The following MSI2 variants were observed in gnomAD, a reference collection of about 807,000 sequenced individuals.
MSI2 encodes musashi RNA binding protein 2.
In MSI2, 17 loss-of-function variants were observed where a neutral mutation model predicts 45.6. The observed-to-expected ratio is 0.37, with a 90% confidence interval of 0.26 to 0.56. The LOEUF (loss-of-function observed/expected upper bound fraction) is 0.56. MSI2 is among the 20% of genes least tolerant of loss of function. The pLI is 0.77. For missense variants in MSI2, 293 were observed against 444.2 expected (o/e 0.66, Z 3.06); for synonymous variants, 156 against 158.2 (o/e 0.99, Z 0.11).
intron 6 of MSI2, among the ~76,000 whole-genome samples, chr17:57,432,177 G>A (rs569803977): frequency 6.6e-6 from 1 of 152,304 alleles, no homozygotes; most frequent in African/African-American, 2.4e-5. Flanking sequence ...GGCTCTGGTG[G>A]ATGAGAATCA....
intron 6 of MSI2, among the ~76,000 whole-genome samples, chr17:57,525,519 C>T (rs1244095332): frequency 6.6e-6 from 1 of 152,166 alleles, no homozygotes; most frequent in Non-Finnish European, 1.5e-5. Context: ...AACTCCTGGC[C>T]TCAAGCGATT....
intron 11 of MSI2, among the ~76,000 whole-genome samples, chr17:57,664,028 A>G (rs1048292002): frequency 6.6e-6 from 1 of 152,082 alleles, no homozygotes; most frequent in Non-Finnish European, 1.5e-5. Flanking sequence ...TAGAGGCAGC[A>G]TAAGAGCATA....
chr17:57,316,694 C>T (rs1243080904), intron 5 of MSI2, among the ~76,000 whole-genome samples: 1 of 152,118 alleles, frequency 6.6e-6, no homozygotes, highest in Non-Finnish European at 1.5e-5. Flanking sequence ...TGCCCCCTTC[C>T]CCATGGTCTT....
intron 7 of MSI2, among the ~76,000 whole-genome samples, chr17:57,561,279 A>G (rs2087568275): frequency 6.6e-6 from 1 of 152,022 alleles, no homozygotes; most frequent in Admixed American, 6.6e-5. Context: ...GGAACATTTG[A>G]TATTTTTGCC....
At chr17:57,328,733 CT>C (rs1294186819) in intron 5 of MSI2, among the ~76,000 whole-genome samples, 731 of 140,514 alleles carry the variant, frequency 5.2e-3, no homozygotes, top group Non-Finnish European at 5.2e-3. Flanking sequence ...TTTGAAGAGT[CT>C]TTTTTTTTTT....
chr17:57,339,371 GC>G (rs1158465047), intron 5 of MSI2, among the ~76,000 whole-genome samples: 2 of 152,182 alleles, frequency 1.3e-5, no homozygotes, highest in African/African-American at 4.8e-5. Context: ...GAAAGTCAAA[GC>G]CATTTCCATT....
chr17:57,542,483 G>C (rs2087071670), intron 7 of MSI2, among the ~76,000 whole-genome samples: 1 of 152,196 alleles, frequency 6.6e-6, no homozygotes, highest in African/African-American at 2.4e-5. Context: ...TGTCATGTTA[G>C]ATGTTGGAAT....
At chr17:57,349,699 C>T (rs60009244) in intron 5 of MSI2, among the ~76,000 whole-genome samples, 3,987 of 152,290 alleles carry the variant, frequency 0.026, 200 homozygotes, top group Admixed American at 0.13. Context: ...TGACAGGAGT[C>T]AAGTTGGTGC....
At chr17:57,329,708 G>A (rs1424486981) in intron 5 of MSI2, among the ~76,000 whole-genome samples, 1 of 152,186 alleles carries the variant, frequency 6.6e-6, no homozygotes, top group East Asian at 1.9e-4. Flanking sequence ...TCCCTTGTGA[G>A]GAGCTGATGT....
chr17:57,384,077 C>G (rs1262548018), intron 5 of MSI2, among the ~76,000 whole-genome samples: 1 of 152,234 alleles, frequency 6.6e-6, no homozygotes, highest in East Asian at 1.9e-4. Context: ...ACTGTTGACC[C>G]TTCCTTTCTA....
At chr17:57,477,162 G>GTGTGTT (rs1219113811) in intron 6 of MSI2, among the ~76,000 whole-genome samples, 3 of 94,412 alleles carry the variant, frequency 3.2e-5, no homozygotes, top group African/African-American at 9.1e-5. Context: ...GTGTGTGTGT[G>GTGTGTT]TGTGTGTGTG....
chr17:57,342,711 C>T (rs972370524), intron 5 of MSI2, among the ~76,000 whole-genome samples: 4 of 152,126 alleles, frequency 2.6e-5, no homozygotes, highest in Non-Finnish European at 5.9e-5. Context: ...TGAAGACTTT[C>T]AGTAATGTTT....
rs1007700235 is a variant in MSI2, at chr17:57,529,421, G to T, written c.406-255G>T. On this transcript the variant is annotated intron_variant, in intron 6 of 13. Transcript: ENST00000284073. This position sits in a 1 kb window ranked among gnomAD's most constrained non-coding sequence, Gnocchi z 5.3. The stretch of plus-strand genomic sequence containing the variant: ...ACTGCACTCTAGCCTGGGTGACAGA[G>T]TGAGACCCTGTCTCAAAAAATAAAA... Among the ~76,000 whole-genome samples, 4 of 152,202 alleles carry T rather than the reference G, an allele frequency of 2.6e-5. No individual in the cohort carries two copies. The highest frequency in any genetic ancestry group is 2.6e-4 in the Admixed American group (4 of 15,286).
At chr17:57,569,126 G>A (rs12449333) in intron 7 of MSI2, among the ~76,000 whole-genome samples, 5,551 of 152,224 alleles carry the variant, frequency 0.036, 285 homozygotes, top group African/African-American at 0.11. Context: ...AGAGAGAGGA[G>A]GGGAGATAGG....
chr17:57,411,246 A>C (rs547783357), intron 6 of MSI2, among the ~76,000 whole-genome samples: 1 of 152,312 alleles, frequency 6.6e-6, no homozygotes, highest in South Asian at 2.1e-4. Flanking sequence ...GACTCAAGTG[A>C]TCTGCCTGCC....
intron 6 of MSI2, among the ~76,000 whole-genome samples, chr17:57,482,654 G>T (rs277070): frequency 6.6e-6 from 1 of 151,994 alleles, no homozygotes; most frequent in Non-Finnish European, 1.5e-5. Flanking sequence ...TGAAGCATGA[G>T]AAGTTTGGGG....
At chr17:57,456,599 CAA>C (rs796938053) in intron 6 of MSI2, among the ~76,000 whole-genome samples, 9 of 140,120 alleles carry the variant, frequency 6.4e-5, no homozygotes, top group African/African-American at 5.3e-5. Flanking sequence ...ACTCCATCTC[CAA>C]AAAAAAAAAA....
At chr17:57,322,145 T>C (rs112208371) in intron 5 of MSI2, among the ~76,000 whole-genome samples, 2,743 of 152,258 alleles carry the variant, frequency 0.018, 89 homozygotes, top group African/African-American at 0.062. Context: ...GGGTGTGTCA[T>C]GTTTATAGCT....
chr17:57,601,445 A>G (rs1905859300), intron 8 of MSI2: 1 of 152,264 alleles, frequency 6.6e-6, no homozygotes, highest in Non-Finnish European at 1.5e-5. Flanking sequence ...TGTGTGCCCC[A>G]GTGCGGGTGC....
Sources: allele counts gnomAD v4.1 joint callset (sites outside exome capture counted in the v4.1 genomes callset), GRCh38; gene constraint gnomAD v4.1.1; non-coding constraint Gnocchi (gnomAD v3.1); transcripts MANE v1.5; gene names NCBI Gene and HGNC (gene_info 2026-07-23, HGNC 2026-07-21).